Variants in TBC1D8 observed in about 807,000 individuals in gnomAD.
TBC1D8 encodes BUB2-like protein 1.
A neutral mutation model predicts 118.8 loss-of-function variants in TBC1D8; 65 were observed. The ratio of observed to expected loss-of-function variants is 0.55; its 90% CI spans 0.45 to 0.67. The LOEUF (loss-of-function observed/expected upper bound fraction) is 0.67, where lower values mean the gene tolerates loss of function less well. Ranked by LOEUF, TBC1D8 falls within the 30% of genes least tolerant of loss-of-function variation. The pLI is 0.00. For missense variants in TBC1D8, 1,376 were observed against 1,471.2 expected (o/e 0.94, Z 1.06); for synonymous variants, 566 against 595.8 (o/e 0.95, Z 0.73).
chr2:101,060,457 G>T (rs1239224129), intron 2 of TBC1D8, among the ~76,000 whole-genome samples: 1 of 152,094 alleles, frequency 6.6e-6, no homozygotes, highest in East Asian at 1.9e-4. Context: ...ATAAAAAGAG[G>T]TCTTACGGTA....
rs1558736080 is a variant in TBC1D8 at position 101,151,257 on chromosome 2, GGCGGTCCGGCCGCGCCC to G, written c.-21_-5del. ...CCTCCTCGGGCTTGAGCCACATCGC[GGCGGTCCGGCCGCGCCC>G]GCCGGCCCCAGCTCACATCTCCCCG... On this transcript the variant is annotated 5_prime_UTR_variant, in exon 1 of 20. Coordinates refer to ENST00000409318, the MANE Select transcript of TBC1D8 (RefSeq NM_001330348.2). 1 of 1,153,230 alleles carries G rather than the reference GGCGGTCCGGCCGCGCCC, an allele frequency of 8.7e-7. No individual in the cohort carries two copies. The highest frequency in any genetic ancestry group is 3.1e-5 in the South Asian group (1 of 32,038). The allele number at this position is 1,153,230 out of a possible 1,614,324, so 71.4% of individuals were successfully genotyped here.
chr2:101,011,116 G>T (rs895942260), intron 18 of TBC1D8, 90 bp from the exon 19 acceptor site: 4 of 1,252,972 alleles, frequency 3.2e-6, no homozygotes, highest in African/African-American at 3.0e-5. Flanking sequence ...GAGCAAGGGG[G>T]TGAGGAATTC....
chr2:101,110,617 T>C (rs1677528901), intron 1 of TBC1D8, among the ~76,000 whole-genome samples: 1 of 152,170 alleles, frequency 6.6e-6, no homozygotes, highest in Non-Finnish European at 1.5e-5. Flanking sequence ...ATAGCTGTCT[T>C]CATGCTAGGG....
intron 1 of TBC1D8, among the ~76,000 whole-genome samples, chr2:101,097,926 G>A (rs148740470): frequency 0.011 from 1,628 of 152,248 alleles, 27 homozygotes; most frequent in African/African-American, 0.031. Flanking sequence ...TTGTTTGAAG[G>A]TTGATGTAGA....
At chr2:101,149,274 G>T (rs368913043) in intron 1 of TBC1D8, among the ~76,000 whole-genome samples, 83 of 152,274 alleles carry the variant, frequency 5.5e-4, no homozygotes, top group African/African-American at 2.0e-3. Context: ...ATTTTGGAAT[G>T]AAACAGGGAG....
Position 101,080,986 on chromosome 2 carries a change from G to C in TBC1D8, c.283+9223C>G, listed in dbSNP as rs146705446. On this transcript the variant is annotated intron_variant, in intron 2 of 19. Coordinates refer to ENST00000409318, the MANE Select transcript of TBC1D8 (RefSeq NM_001330348.2). The stretch of plus-strand genomic sequence containing the variant: ...AGATGGGGTCTCACTGTGTTGCCCA[G>C]GCTGGTCTTGAATTCCCAGCCTGAA... Among the ~76,000 whole-genome samples, 420 of 152,024 alleles carry C rather than the reference G, an allele frequency of 2.8e-3. 4 individuals carry two copies. The highest frequency in any genetic ancestry group is 9.6e-3 in the African/African-American group (399 of 41,456).
chr2:101,151,141 C>T lies in TBC1D8; in HGVS notation c.113G>A (p.Gly38Asp), dbSNP rs750308254. The change falls in exon 1 of 20, where the codon GGC (glycine) becomes GAC (aspartate). Residue 38 changes from glycine to aspartate, a missense_variant. Physicochemically the swap from Gly to Asp is moderately conservative, Grantham distance 94. Coordinates refer to ENST00000409318, the MANE Select transcript of TBC1D8 (RefSeq NM_001330348.2). ...LQRRRGHGEGGGRLTGRLVGA... is the reference protein window; with the variant it reads ...LQRRRGHGEGDGRLTGRLVGA... ...GAGCCCCTTACCGGTGAGGCGGCCG[C>T]CCCCCTCGCCGTGCCCGCGGCGCCG... 8 of 1,180,266 alleles carry T rather than the reference C, an allele frequency of 6.8e-6. No homozygotes were observed. The South Asian group carries it at 1.4e-4, about 20-fold the overall frequency. The allele number at this position is 1,180,266 out of a possible 1,614,324, so 73.1% of individuals were successfully genotyped here.
intron 5 of TBC1D8, among the ~76,000 whole-genome samples, chr2:101,041,967 G>GT (rs1573922827): frequency 6.6e-6 from 1 of 151,994 alleles, no homozygotes; most frequent in African/African-American, 2.4e-5. Context: ...AGAGGTTGCA[G>GT]TGAGTCGAGA....
intron 3 of TBC1D8, among the ~76,000 whole-genome samples, chr2:101,058,915 T>A (rs1682594659): frequency 1.3e-5 from 2 of 152,004 alleles, no homozygotes; most frequent in African/African-American, 4.8e-5. Context: ...TTTTTTATTT[T>A]TTTTTTTTGA....
chr2:101,150,426 C>A (rs1679505061), intron 1 of TBC1D8, among the ~76,000 whole-genome samples: 1 of 152,020 alleles, frequency 6.6e-6, no homozygotes, highest in Admixed American at 6.6e-5. Flanking sequence ...TGCAAGTTGG[C>A]GTCAATTTCA....
chr2:101,097,240 G>T (rs1338619168), intron 1 of TBC1D8, among the ~76,000 whole-genome samples: 1 of 151,858 alleles, frequency 6.6e-6, no homozygotes, highest in Non-Finnish European at 1.5e-5. Flanking sequence ...CAAAATTGAA[G>T]AAATAACGGC....
intron 1 of TBC1D8, among the ~76,000 whole-genome samples, chr2:101,102,604 C>G (rs912192922): frequency 6.7e-6 from 1 of 149,240 alleles, no homozygotes; most frequent in Non-Finnish European, 1.5e-5. Context: ...TTAAGACTCA[C>G]ATAGGTTAAA....
chr2:101,095,400 C>CA (rs1022462459), intron 1 of TBC1D8, among the ~76,000 whole-genome samples: 1 of 135,072 alleles, frequency 7.4e-6, no homozygotes. Flanking sequence ...ATCTCCCCCC[C>CA]CCTCCCCCCA....
intron 1 of TBC1D8, among the ~76,000 whole-genome samples, chr2:101,142,336 A>T (rs569726687): frequency 1.3e-5 from 2 of 152,214 alleles, no homozygotes; most frequent in Non-Finnish European, 2.9e-5. Context: ...ACAGCATGAC[A>T]GAGAAATAAA....
In TBC1D8 at chr2:101,007,820, G is replaced by C; in HGVS notation, c.*1C>G. The C allele has an allele frequency of 6.2e-7, 1 of 1,613,050 alleles. No individual in the cohort carries two copies. Among genetic ancestry groups the C allele is most frequent in the Non-Finnish European group, 8.5e-7 (1 of 1,179,312 alleles). ...CAGTGTGCATAGCAGCTGCTGTCTT[G>C]CTACAAGTTACTCAGCTTAAGTTCA... On this transcript the variant is annotated 3_prime_UTR_variant, in exon 20 of 20. Transcript: ENST00000409318.
chr2:101,061,679 C>T (rs1034004900), intron 2 of TBC1D8, among the ~76,000 whole-genome samples: 1 of 152,044 alleles, frequency 6.6e-6, no homozygotes, highest in Non-Finnish European at 1.5e-5. Context: ...TCCCACCTCC[C>T]GTGTCATGCT....
At chr2:101,077,862 C>T (rs185026204) in intron 2 of TBC1D8, among the ~76,000 whole-genome samples, 63 of 152,304 alleles carry the variant, frequency 4.1e-4, no homozygotes, top group African/African-American at 1.4e-3. Flanking sequence ...TAAACAATTA[C>T]CAGCCTTTAT....
In TBC1D8 at chr2:101,033,737, G is replaced by A. The variant is rs1680822282; in HGVS notation, c.1625C>T (p.Ser542Leu). The change falls in exon 10 of 20, where the codon TCA becomes TTA. Residue 542 changes from serine (S) to leucine (L), a missense_variant. Transcript: ENST00000409318. ...LFSDAVTDLASHPGYYGNLVE... is the reference protein window; with the variant it reads ...LFSDAVTDLALHPGYYGNLVE... The stretch of plus-strand genomic sequence containing the variant: ...CAGATTCCCGTAGTAACCAGGGTGT[G>A]AGGCAAGATCCGTCACCGCATCTGA... 1 of 1,613,370 alleles carries A rather than the reference G, an allele frequency of 6.2e-7. No homozygotes were observed. The highest frequency in any genetic ancestry group is 8.5e-7 in the Non-Finnish European group (1 of 1,179,500).
chr2:101,102,196 G>A (rs890913930), intron 1 of TBC1D8, among the ~76,000 whole-genome samples: 3 of 152,220 alleles, frequency 2.0e-5, no homozygotes, highest in African/African-American at 7.2e-5. Flanking sequence ...GCTCACGCCT[G>A]TAATCCCAGT....
Sources: allele counts gnomAD v4.1 joint callset (sites outside exome capture counted in the v4.1 genomes callset), GRCh38; gene constraint gnomAD v4.1.1; transcripts MANE v1.5; gene names NCBI Gene and HGNC (gene_info 2026-07-23, HGNC 2026-07-21).